The following TSPOAP1 variants were observed in gnomAD, a reference collection of about 807,000 sequenced individuals.
TSPOAP1 encodes peripheral-type benzodiazepine receptor-associated protein 1.
In TSPOAP1, 87 loss-of-function variants were observed where a neutral mutation model predicts 197.0. The ratio of observed to expected loss-of-function variants is 0.44; its 90% CI spans 0.37 to 0.53. The LOEUF is 0.53. Ranked by LOEUF, TSPOAP1 falls within the 20% of genes least tolerant of loss-of-function variation. The pLI is 0.00. For synonymous variants in TSPOAP1, 913 were observed against 998.9 expected, an observed-to-expected ratio of 0.91 and a Z score of 1.62; for missense variants, 2,174 against 2,411.3, an observed-to-expected ratio of 0.90 and a Z score of 2.06.
In TSPOAP1 at chr17:58,326,598, G is replaced by T; in HGVS notation, c.441+85C>A. 6.5e-7 allele frequency: 1 copy of T among 1,547,490 alleles called. No individual in the cohort carries two copies. On this transcript the variant is annotated intron_variant, in intron 2 of 31. Coordinates refer to ENST00000343736, the MANE Select transcript of TSPOAP1 (RefSeq NM_004758.4). This position sits in a 1 kb window ranked among gnomAD's most constrained non-coding sequence, Gnocchi z 4.7. ...GTCACCTCCATTGAGCCCCCACTTG[G>T]AAAGATGTTCATGGGGTGAGGAGGG...
Position 58,322,122 on chromosome 17 carries a change from C to T in TSPOAP1, c.1422+186G>A. The stretch of plus-strand genomic sequence containing the variant: ...CCCTGTTCTTCTCCACCACTGTGCT[C>T]ATCAGTGTCTGAAATCAGCTCACTC... On this transcript the variant is annotated intron_variant, in intron 10 of 31. Coordinates refer to ENST00000343736, the MANE Select transcript of TSPOAP1 (RefSeq NM_004758.4). This position sits in a 1 kb window ranked among gnomAD's most constrained non-coding sequence, Gnocchi z 5.0. 1.6e-6 allele frequency: 1 copy of T among 609,880 alleles called. No individual in the cohort carries two copies. The highest frequency in any genetic ancestry group is 2.9e-6 in the Non-Finnish European group (1 of 346,818). The allele number at this position is 609,880 out of a possible 1,614,324, so 37.8% of individuals were successfully genotyped here.
At chr17:58,325,031 G>C in intron 4 of TSPOAP1, 29 bp from the exon 5 acceptor site, 1 of 1,496,612 alleles carries the variant, frequency 6.7e-7, no homozygotes, top group South Asian at 1.3e-5. Flanking sequence ...GACAGGGAGG[G>C]GACTCAGGCC....
chr17:58,327,668 G>A lies in TSPOAP1; in HGVS notation c.253C>T (p.Pro85Ser), dbSNP rs1268970443. 1.9e-6 allele frequency: 3 copies of A among 1,613,604 alleles called. No individual in the cohort carries two copies. Among genetic ancestry groups the A allele is most frequent in the African/African-American group, 1.3e-5 (1 of 74,938 alleles). The change falls in exon 1 of 32, where the codon CCC becomes TCC. Residue 85 changes from proline to serine, a missense_variant. Pro to Ser is a moderately conservative substitution (Grantham distance 74). Transcript: ENST00000343736. The part of the protein sequence containing the change: ...TDPEGAEACL[P>S]SLGQQASSSG... Reference sequence around the variant, plus strand: ...CTGGATGCTTGCTGGCCCAGGCTGGGCAGACAAGCCTCTGCTCCTTCAGGG... The same window carrying A: ...CTGGATGCTTGCTGGCCCAGGCTGGACAGACAAGCCTCTGCTCCTTCAGGG...
intron 4 of TSPOAP1, 137 bp from the exon 5 acceptor site, chr17:58,325,139 G>A: frequency 1.3e-6 from 1 of 786,848 alleles, no homozygotes; most frequent in Non-Finnish European, 2.0e-6. Flanking sequence ...ATGGGTACAT[G>A]CCTGGTTACA....
chr17:58,307,007 C>T (rs1273780835), intron 24 of TSPOAP1, 39 bp from the exon 25 acceptor site: 5 of 1,589,700 alleles, frequency 3.1e-6, no homozygotes, highest in African/African-American at 2.7e-5. Flanking sequence ...GTTCTGCTCA[C>T]TCCCTATGCC....
chr17:58,319,363 A>G, intron 12 of TSPOAP1, 69 bp from the exon 13 acceptor site: 1 of 1,445,902 alleles, frequency 6.9e-7, no homozygotes, highest in Non-Finnish European at 9.3e-7. Flanking sequence ...TGCCATCTGT[A>G]CACAGCCCTA....
chr17:58,323,494 C>G lies in TSPOAP1; in HGVS notation c.994G>C (p.Glu332Gln). Reference protein sequence around the residue: ...DNLPVILGEPEKEQRVQQLES... With the variant: ...DNLPVILGEPQKEQRVQQLES... ...AGCTGCTGCACCCTCTGCTCTTTCT[C>G]TGGCTCCCCTAGAATCACGGGTAGG... Residue 332 changes from glutamate to glutamine, a missense_variant, in exon 6 of 32, where the codon GAG becomes CAG. By Grantham distance (29) the Glu-to-Gln change is conservative (BLOSUM62 2). Coordinates refer to ENST00000343736, the MANE Select transcript of TSPOAP1 (RefSeq NM_004758.4). The G allele has an allele frequency of 1.9e-6, 3 of 1,614,212 alleles. No individual in the cohort carries two copies. The East Asian group carries it at 6.7e-5, about 36-fold the overall frequency.
chr17:58,311,349 A>G (rs1971072591), intron 18 of TSPOAP1, 136 bp from the exon 19 acceptor site: 1 of 1,336,450 alleles, frequency 7.5e-7, no homozygotes, highest in East Asian at 2.5e-5. Context: ...AGCCCTCTGC[A>G]TGGCCTATCT....
intron 24 of TSPOAP1, 78 bp from the exon 25 acceptor site, chr17:58,307,046 A>T: frequency 6.9e-7 from 1 of 1,444,520 alleles, no homozygotes; most frequent in Non-Finnish European, 9.4e-7. Context: ...GCAACACCCC[A>T]CTTGGAAATG....
At chr17:58,321,912 G>A (rs920843782) in intron 10 of TSPOAP1, among the ~76,000 whole-genome samples, 2 of 152,126 alleles carry the variant, frequency 1.3e-5, no homozygotes, top group East Asian at 1.9e-4. Context: ...CTCCCACCAC[G>A]CTGCCCATCC....
chr17:58,314,699 A>G (rs546147159), intron 16 of TSPOAP1, among the ~76,000 whole-genome samples: 332 of 152,358 alleles, frequency 2.2e-3, no homozygotes, highest in African/African-American at 6.7e-3. Flanking sequence ...CTCTATGGTA[A>G]TTGCTCCTGC....
intron 16 of TSPOAP1, among the ~76,000 whole-genome samples, 163 bp downstream of exon 16, chr17:58,315,860 G>A (rs1971210402): frequency 6.6e-6 from 1 of 151,910 alleles, no homozygotes; most frequent in East Asian, 1.9e-4. Context: ...AGACCAAAAA[G>A]TTAAGGTGGG....
intron 4 of TSPOAP1, 31 bp from the exon 5 acceptor site, chr17:58,325,033 A>G (rs1971532836): frequency 6.7e-7 from 1 of 1,490,746 alleles, no homozygotes; most frequent in Non-Finnish European, 9.0e-7. Flanking sequence ...CAGGGAGGGG[A>G]CTCAGGCCTA....
rs762565614 is a variant in TSPOAP1 at position 58,311,711 on chromosome 17, C to T, written c.2941G>A (p.Ala981Thr). ...GGCTCGATCTGCACATCCAGAGGGG[C>T]ATCAGGTGGGCCTGGGGGCAGGGGG... ...FTTLPAGPPD[A>T]PLDVQIEPGP... The change falls in exon 18 of 32, where the codon GCC becomes ACC. Residue 981 changes from alanine to threonine, a missense_variant. Ala to Thr is a moderately conservative substitution (Grantham distance 58). Around this residue, in one of 5 missense-constraint regions of TSPOAP1, gnomAD observed 1,933 missense variants for 2,139.0 expected, o/e 0.90. Transcript: ENST00000343736. 1 of 1,577,178 alleles carries T rather than the reference C, an allele frequency of 6.3e-7. No homozygotes were observed. Among genetic ancestry groups the T allele is most frequent in the Non-Finnish European group, 8.6e-7 (1 of 1,157,852 alleles).
intron 10 of TSPOAP1, among the ~76,000 whole-genome samples, chr17:58,321,911 C>T (rs1488758149): frequency 5.9e-5 from 9 of 152,256 alleles, no homozygotes; most frequent in Admixed American, 2.6e-4. Context: ...ACTCCCACCA[C>T]GCTGCCCATC....
Position 58,312,447 on chromosome 17 carries a change from G to T in TSPOAP1, c.2374C>A (p.Pro792Thr). ...AGGACCACCAGACGGCGGGGGTAAG[G>T]CACGGCAGGAGGCTCGCCCAGGCCC... The part of the protein sequence containing the change: ...PEGLGEPPAV[P>T]YPRRLVVLKQ... Residue 792 changes from proline (P) to threonine (T), a missense_variant, in exon 17 of 32, where the codon CCT becomes ACT. By Grantham distance (38) the Pro-to-Thr change is conservative. Around this residue, in one of 5 missense-constraint regions of TSPOAP1, gnomAD observed 1,933 missense variants for 2,139.0 expected, o/e 0.90. Coordinates refer to ENST00000343736, the MANE Select transcript of TSPOAP1 (RefSeq NM_004758.4). 1.9e-6 allele frequency: 3 copies of T among 1,612,776 alleles called. No homozygotes were observed. Among genetic ancestry groups the T allele is most frequent in the Non-Finnish European group, 2.5e-6 (3 of 1,179,702 alleles).
At chr17:58,325,763 T>G (rs779593088) in intron 3 of TSPOAP1, 50 bp from the exon 4 acceptor site, 3 of 1,536,678 alleles carry the variant, frequency 2.0e-6, no homozygotes. Flanking sequence ...CTGGGGCACT[T>G]CTCCCACTCC....
chr17:58,305,552 A>G lies in TSPOAP1; in HGVS notation c.5349T>C (p.Asn1783=), dbSNP rs1416750161. 3.7e-6 allele frequency: 6 copies of G among 1,603,068 alleles called. No individual in the cohort carries two copies. The highest frequency in any genetic ancestry group is 1.3e-5 in the African/African-American group (1 of 74,278). ...FDYNPQESSP[N]MDVEAELPFR... ...TGAGGGTCCTCACCTCCACGTCCAT[A>G]TTGGGGGAACTCTCCTGGGGGTTGT... The change falls in exon 28 of 32, where the codon AAT becomes AAC. Residue 1783 remains asparagine, a synonymous_variant. Transcript: ENST00000343736.
In TSPOAP1 at chr17:58,301,383, A is replaced by T. The variant is rs1195364971; in HGVS notation, c.*1097T>A. 1 of 152,692 alleles carries T rather than the reference A, an allele frequency of 6.5e-6. No homozygotes were observed. The highest frequency in any genetic ancestry group is 2.4e-5 in the African/African-American group (1 of 41,474). 9.5% of individuals were successfully genotyped at this position (152,692 alleles called of 1,614,324 possible). ...ACATGCAAAGACACACTCACCCCTC[A>T]GAGGGTGGGGGATGGAGTGGATCGG... is the stretch of plus-strand genomic sequence containing the variant. On this transcript the variant is annotated 3_prime_UTR_variant, in exon 32 of 32. Transcript: ENST00000343736.
Sources: allele counts gnomAD v4.1 joint callset (sites outside exome capture counted in the v4.1 genomes callset), GRCh38; gene constraint gnomAD v4.1.1; regional missense constraint gnomAD v4.1.1; non-coding constraint Gnocchi (gnomAD v3.1); transcripts MANE v1.5; gene names NCBI Gene and HGNC (gene_info 2026-07-23, HGNC 2026-07-21).